PTPRM: variants seen among roughly 807,000 people sequenced by gnomAD.
PTPRM encodes the protein receptor-type tyrosine-protein phosphatase mu.
In PTPRM, 47 loss-of-function variants were observed where a neutral mutation model predicts 186.7. The observed-to-expected ratio is 0.25, with a 90% CI of 0.20 to 0.32. The LOEUF (loss-of-function observed/expected upper bound fraction) is 0.32. Among genes scored for constraint, PTPRM ranks in the 10% least tolerant of loss-of-function variants. The pLI is 1.00. For synonymous variants in PTPRM, 668 were observed against 674.9 expected (o/e 0.99, Z 0.16); for missense variants, 1,494 against 1,865.0 (o/e 0.80, Z 3.66).
At chr18:7,632,329 G>A (rs1174440142) in intron 1 of PTPRM, among the ~76,000 whole-genome samples, 1 of 152,218 alleles carries the variant, frequency 6.6e-6, no homozygotes, top group Non-Finnish European at 1.5e-5. Context: ...TAGAGAAGAG[G>A]AAAGTGAGGC....
chr18:8,297,369 A>C (rs2095108532), intron 20 of PTPRM, among the ~76,000 whole-genome samples: 1 of 152,178 alleles, frequency 6.6e-6, no homozygotes, highest in Non-Finnish European at 1.5e-5. Flanking sequence ...ATTGATTGTG[A>C]AAGTGCTGTT....
chr18:7,596,334 G>A (rs1333496594), intron 1 of PTPRM, among the ~76,000 whole-genome samples: 4 of 152,136 alleles, frequency 2.6e-5, no homozygotes, highest in Non-Finnish European at 5.9e-5. Context: ...TCAGAACAGT[G>A]AGCACTTTAC....
At chr18:8,034,244 A>G (rs2086183146) in intron 7 of PTPRM, among the ~76,000 whole-genome samples, 2 of 151,994 alleles carry the variant, frequency 1.3e-5, no homozygotes, top group Non-Finnish European at 2.9e-5. Flanking sequence ...ACCCCAAAAC[A>G]TGGTCCTCCA....
At chr18:7,958,074 AT>A (rs1377076934) in intron 7 of PTPRM, among the ~76,000 whole-genome samples, 7 of 152,172 alleles carry the variant, frequency 4.6e-5, no homozygotes, top group Admixed American at 2.0e-4. Context: ...CTGGCTTGGA[AT>A]TAGAGTAATA....
chr18:8,135,381 A>G (rs927067660), intron 13 of PTPRM, among the ~76,000 whole-genome samples: 3 of 152,126 alleles, frequency 2.0e-5, no homozygotes, highest in Admixed American at 6.5e-5. Context: ...AAACTTCCCC[A>G]CTCATACTTT....
intron 14 of PTPRM, among the ~76,000 whole-genome samples, chr18:8,177,784 G>A (rs2093508396): frequency 1.3e-5 from 2 of 152,186 alleles, no homozygotes; most frequent in Non-Finnish European, 2.9e-5. Context: ...ACTTGAGAGG[G>A]TCAAGTGCAC....
chr18:7,582,936 T>C (rs545851650), intron 1 of PTPRM, among the ~76,000 whole-genome samples: 13 of 152,348 alleles, frequency 8.5e-5, no homozygotes, highest in African/African-American at 3.1e-4. Flanking sequence ...GCTGTGCTAT[T>C]TCCTCACTGT....
At chr18:8,388,910 G>C (rs1021408700) in intron 31 of PTPRM, among the ~76,000 whole-genome samples, 1 of 152,084 alleles carries the variant, frequency 6.6e-6, no homozygotes, top group Non-Finnish European at 1.5e-5. Flanking sequence ...GCAGTGAGCC[G>C]AGATGGCGCC....
At chr18:7,679,662 C>T (rs1259039096) in intron 1 of PTPRM, among the ~76,000 whole-genome samples, 1 of 151,786 alleles carries the variant, frequency 6.6e-6, no homozygotes, top group Non-Finnish European at 1.5e-5. Flanking sequence ...GAGACTCTGT[C>T]TCAAAAACAA....
At chr18:8,065,684 G>T (rs184095448) in intron 7 of PTPRM, among the ~76,000 whole-genome samples, 1 of 152,294 alleles carries the variant, frequency 6.6e-6, no homozygotes, top group East Asian at 1.9e-4. Context: ...GCATCCTCAG[G>T]ATTGTGAGGA....
chr18:8,381,033 C>A (rs2148512043), intron 29 of PTPRM, among the ~76,000 whole-genome samples: 1 of 152,228 alleles, frequency 6.6e-6, no homozygotes, highest in African/African-American at 2.4e-5. Flanking sequence ...AGAAATAATA[C>A]TGGGACTTGG....
At chr18:7,680,197 A>T (rs759736639) in intron 1 of PTPRM, among the ~76,000 whole-genome samples, 2 of 152,202 alleles carry the variant, frequency 1.3e-5, no homozygotes, top group Admixed American at 1.3e-4. Flanking sequence ...ATTTATTGAG[A>T]TACAATTGAC....
At chr18:7,616,054 T>A (rs924993697) in intron 1 of PTPRM, among the ~76,000 whole-genome samples, 18 of 152,178 alleles carry the variant, frequency 1.2e-4, no homozygotes, top group Non-Finnish European at 2.5e-4. Flanking sequence ...CATTTCCTGC[T>A]GTGCCGCTAG....
intron 19 of PTPRM, among the ~76,000 whole-genome samples, chr18:8,274,698 A>G (rs1161912989): frequency 6.6e-6 from 1 of 152,234 alleles, no homozygotes; most frequent in East Asian, 1.9e-4. Flanking sequence ...GCAGAGCCTT[A>G]GGGACACAGC....
chr18:8,072,473 A>T (rs1395305664), intron 8 of PTPRM, among the ~76,000 whole-genome samples: 1 of 152,218 alleles, frequency 6.6e-6, no homozygotes, highest in Non-Finnish European at 1.5e-5. Context: ...CTAGCGTTTC[A>T]TTAATTAGAA....
chr18:7,677,790 G>GA (rs1490938659), intron 1 of PTPRM, among the ~76,000 whole-genome samples: 1 of 152,066 alleles, frequency 6.6e-6, no homozygotes, highest in Non-Finnish European at 1.5e-5. Flanking sequence ...TGCCTTATCA[G>GA]AGAAGCCCAC....
At chr18:7,603,977 C>A (rs1417091670) in intron 1 of PTPRM, among the ~76,000 whole-genome samples, 1 of 152,178 alleles carries the variant, frequency 6.6e-6, no homozygotes, top group Non-Finnish European at 1.5e-5. Context: ...CAGTGCCTTA[C>A]AGATTTTGAT....
At chr18:7,654,233 A>G (rs896615502) in intron 1 of PTPRM, among the ~76,000 whole-genome samples, 18 of 152,168 alleles carry the variant, frequency 1.2e-4, no homozygotes, top group African/African-American at 1.2e-4. Flanking sequence ...GTCAGATAAT[A>G]TAGCTTGCAA....
chr18:7,739,350 C>T (rs2040842005), intron 1 of PTPRM, among the ~76,000 whole-genome samples: 1 of 152,182 alleles, frequency 6.6e-6, no homozygotes, highest in African/African-American at 2.4e-5. Flanking sequence ...CTATGCTGAA[C>T]TTGAATAAGA....
Sources: allele counts gnomAD v4.1 joint callset (sites outside exome capture counted in the v4.1 genomes callset), GRCh38; gene constraint gnomAD v4.1.1; transcripts MANE v1.5; gene names NCBI Gene and HGNC (gene_info 2026-07-23, HGNC 2026-07-21).